The following ST3GAL4 variants were observed in gnomAD, a reference collection of about 807,000 sequenced individuals.
ST3GAL4 encodes ST3 beta-galactoside alpha-2,3-sialyltransferase 4.
A neutral mutation model predicts 42.6 loss-of-function variants in ST3GAL4; 24 were observed. That is an observed-to-expected ratio of 0.56 (90% CI 0.41 to 0.79). The LOEUF is 0.79. Ranked by LOEUF, ST3GAL4 falls within the 30% of genes least tolerant of loss-of-function variation. ST3GAL4 has a pLI of 0.00. For synonymous variants in ST3GAL4, 135 were observed against 163.2 expected, an observed-to-expected ratio of 0.83 and a Z score of 1.32; for missense variants, 311 against 430.8, an observed-to-expected ratio of 0.72 and a Z score of 2.46.
chr11:126,357,844 T>C (rs1160104241), intron 1 of ST3GAL4, among the ~76,000 whole-genome samples: 1 of 152,232 alleles, frequency 6.6e-6, no homozygotes, highest in African/African-American at 2.4e-5. Flanking sequence ...CCTGGGGTTG[T>C]CCCAATGGAA....
At position 126,406,367 on chromosome 11, in the gene ST3GAL4, G is replaced by C. The variant is rs557098937; in HGVS notation, c.17-106G>C. ...CAGGAGAGGGCCAGAGACTGCTTCT[G>C]TTGAGTTAGGGGTCGGAGGGACTCA... On this transcript the variant is annotated intron_variant, in intron 2 of 10. Transcript: ENST00000444328. This position sits in a 1 kb window ranked among gnomAD's most constrained non-coding sequence, Gnocchi z 5.4. 1.3e-6 allele frequency: 2 copies of C among 1,582,166 alleles called. No individual in the cohort carries two copies. The highest frequency in any genetic ancestry group is 2.3e-5 in the South Asian group (2 of 87,412).
chr11:126,372,578 G>A (rs1241210892), intron 1 of ST3GAL4, among the ~76,000 whole-genome samples: 3 of 151,778 alleles, frequency 2.0e-5, no homozygotes, highest in Admixed American at 6.6e-5. Context: ...CACCACACCC[G>A]GCTAATTTTG....
Position 126,391,154 on chromosome 11 carries a change from T to C in ST3GAL4, c.-60-14942T>C, listed in dbSNP as rs572698414. Among the ~76,000 whole-genome samples the C allele has an allele frequency of 7.9e-5, 12 of 152,290 alleles. No homozygotes were observed. Among genetic ancestry groups the C allele is most frequent in the African/African-American group, 2.4e-4 (10 of 41,566 alleles). ...TCAATAATGCTGCTGTGACCACGGGTGTACAGATATCTCTTTGACATCCTG... is the reference window on the plus strand; with the variant it reads ...TCAATAATGCTGCTGTGACCACGGGCGTACAGATATCTCTTTGACATCCTG... On this transcript the variant is annotated intron_variant, in intron 1 of 10. Coordinates refer to ENST00000444328, the MANE Select transcript of ST3GAL4 (RefSeq NM_001254757.2). This position sits in a 1 kb window ranked among gnomAD's most constrained non-coding sequence, Gnocchi z 5.5.
At position 126,414,206 on chromosome 11, in the gene ST3GAL4, C is replaced by A; in HGVS notation, c.*159C>A. 1 of 693,256 alleles carries A rather than the reference C, an allele frequency of 1.4e-6. No individual in the cohort carries two copies. The highest frequency in any genetic ancestry group is 2.5e-6 in the Non-Finnish European group (1 of 397,988). The allele number at this position is 693,256 out of a possible 1,614,324, so 42.9% of individuals were successfully genotyped here. A position where few individuals can be genotyped will look rare whatever the true frequency, so the allele number is the denominator to read the frequency against. ...GGCCAGGTCTGAGATGAGGCCATGCCCCTGGCTGCTCTTATGGAGCCGAGA... is the reference window on the plus strand; with the variant it reads ...GGCCAGGTCTGAGATGAGGCCATGCACCTGGCTGCTCTTATGGAGCCGAGA... On this transcript the variant is annotated 3_prime_UTR_variant, in exon 11 of 11. Transcript: ENST00000444328.
chr11:126,361,217 G>A (rs995783614), intron 1 of ST3GAL4, among the ~76,000 whole-genome samples: 1 of 152,188 alleles, frequency 6.6e-6, no homozygotes, highest in African/African-American at 2.4e-5. Context: ...CCCTCACTTG[G>A]GTCCTGAGAG....
chr11:126,388,491 T>C (rs1222123161), intron 1 of ST3GAL4, among the ~76,000 whole-genome samples: 2 of 151,670 alleles, frequency 1.3e-5, no homozygotes, highest in African/African-American at 4.8e-5. Flanking sequence ...CCACCATGCC[T>C]GGCTAATTTT....
At chr11:126,356,136 C>T (rs927739706) in intron 1 of ST3GAL4, 21 of 152,694 alleles carry the variant, frequency 1.4e-4, no homozygotes, top group African/African-American at 5.0e-4. Context: ...CAGCCCTGCG[C>T]CCGGACTGAA....
At chr11:126,361,884 CTT>C (rs112227008) in intron 1 of ST3GAL4, among the ~76,000 whole-genome samples, 11 of 143,068 alleles carry the variant, frequency 7.7e-5, no homozygotes, top group Non-Finnish European at 9.2e-5. Flanking sequence ...ATTAACACTT[CTT>C]TTTTTTTTTT....
intron 1 of ST3GAL4, among the ~76,000 whole-genome samples, chr11:126,401,902 T>C (rs1954012905): frequency 6.6e-6 from 1 of 151,312 alleles, no homozygotes; most frequent in South Asian, 2.1e-4. Context: ...GATGCAGGGG[T>C]AGCTTGAGGA....
At chr11:126,381,492 G>T (rs908508393) in intron 1 of ST3GAL4, among the ~76,000 whole-genome samples, 1 of 150,388 alleles carries the variant, frequency 6.6e-6, no homozygotes, top group Admixed American at 6.7e-5. Flanking sequence ...CACCAGGATG[G>T]GATGGCTGGA....
chr11:126,410,434 A>C lies in ST3GAL4; in HGVS notation c.771+1023A>C, dbSNP rs746581365. On this transcript the variant is annotated intron_variant, in intron 9 of 10. Coordinates refer to ENST00000444328, the MANE Select transcript of ST3GAL4 (RefSeq NM_001254757.2). The surrounding 1 kb of genome is among the most constrained non-coding windows in gnomAD (Gnocchi z 5.3). ...GGTATGGCGCTTGGCTGTGCTGTGT[A>C]CTGTGTGGGGCTTGGCAGGTCAACT... 1.3e-5 allele frequency among the ~76,000 whole-genome samples: 2 copies of C among 152,134 alleles called. No individual in the cohort carries two copies. Among genetic ancestry groups the C allele is most frequent in the Non-Finnish European group, 2.9e-5 (2 of 68,028 alleles).
At position 126,379,057 on chromosome 11, in the gene ST3GAL4, G is replaced by A. The variant is rs1396623433; in HGVS notation, c.-61+23215G>A. On this transcript the variant is annotated intron_variant, in intron 1 of 10. Coordinates refer to ENST00000444328, the MANE Select transcript of ST3GAL4 (RefSeq NM_001254757.2). The surrounding 1 kb of genome is among the most constrained non-coding windows in gnomAD (Gnocchi z 4.2). ...TTTGCCTCTGTTGCTTCTTCCAAGA[G>A]CTACACTGGTTGATCATAAATATCA... Among the ~76,000 whole-genome samples the A allele has an allele frequency of 6.6e-6, 1 of 152,162 alleles. No individual in the cohort carries two copies. Among genetic ancestry groups the A allele is most frequent in the East Asian group, 1.9e-4 (1 of 5,198 alleles).
chr11:126,403,019 C>G (rs930805804), intron 1 of ST3GAL4, among the ~76,000 whole-genome samples: 9 of 152,220 alleles, frequency 5.9e-5, no homozygotes, highest in African/African-American at 2.2e-4. Flanking sequence ...TGCTCCTGCC[C>G]TTTATGCTCA....
chr11:126,385,228 C>A (rs911587761), intron 1 of ST3GAL4, among the ~76,000 whole-genome samples: 8 of 150,904 alleles, frequency 5.3e-5, no homozygotes, highest in Non-Finnish European at 1.0e-4. Context: ...GATCTCGGCT[C>A]ACTGCGAGCT....
intron 1 of ST3GAL4, among the ~76,000 whole-genome samples, chr11:126,370,987 G>A (rs1199146166): frequency 6.6e-6 from 1 of 150,820 alleles, no homozygotes; most frequent in East Asian, 2.0e-4. Context: ...TTTTTTATAT[G>A]AAAATATTTC....
chr11:126,380,652 G>A (rs1235503851), intron 1 of ST3GAL4, among the ~76,000 whole-genome samples: 1 of 152,206 alleles, frequency 6.6e-6, no homozygotes, highest in African/African-American at 2.4e-5. Flanking sequence ...TGATAGTGCC[G>A]TCAGGTCTGT....
chr11:126,358,926 G>T (rs550875348), intron 1 of ST3GAL4, among the ~76,000 whole-genome samples: 1 of 152,304 alleles, frequency 6.6e-6, no homozygotes, highest in East Asian at 1.9e-4. Flanking sequence ...GTCTGGCTGG[G>T]CCTCCAGTTT....
rs952759348 is a variant in ST3GAL4 at position 126,400,004 on chromosome 11, C to T, written c.-60-6092C>T. Among the ~76,000 whole-genome samples, 15 of 152,122 alleles carry T rather than the reference C, an allele frequency of 9.9e-5. No individual in the cohort carries two copies. The highest frequency in any genetic ancestry group is 1.5e-4 in the Non-Finnish European group (10 of 68,014). ...ATTGCCTGCCTGCCTCCCTCCCTCC[C>T]TTCCTTCTTTCCTCTCTGCTCTCTC... On this transcript the variant is annotated intron_variant, in intron 1 of 10. Transcript: ENST00000444328. This position sits in a 1 kb window ranked among gnomAD's most constrained non-coding sequence, Gnocchi z 4.6.
At chr11:126,394,035 C>G (rs1953624354) in intron 1 of ST3GAL4, among the ~76,000 whole-genome samples, 1 of 152,200 alleles carries the variant, frequency 6.6e-6, no homozygotes, top group African/African-American at 2.4e-5. Flanking sequence ...ACTCAGTGGC[C>G]TGGGACTGGG....
Sources: gnomAD v4.1 joint callset for allele counts (sites outside exome capture counted in the v4.1 genomes callset) on GRCh38, gnomAD v4.1.1 for gene constraint, Gnocchi (gnomAD v3.1) non-coding constraint, MANE v1.5 for transcripts, NCBI Gene and HGNC (gene_info 2026-07-23, HGNC 2026-07-21) for gene names.